Variants in AMMECR1 observed in about 807,000 individuals in gnomAD.
The protein encoded by AMMECR1 is nuclear protein AMMECR1.
In AMMECR1, 3 loss-of-function variants were observed where a neutral mutation model predicts 22.5. The ratio of observed to expected loss-of-function variants is 0.13; its 90% confidence interval spans 0.06 to 0.35. The LOEUF (loss-of-function observed/expected upper bound fraction) is 0.35. Among genes scored for constraint, AMMECR1 ranks in the 10% least tolerant of loss-of-function variants. The pLI is 1.00. For missense variants in AMMECR1, 235 were observed against 278.7 expected (o/e 0.84, Z 1.12); for synonymous variants, 130 against 116.7 (o/e 1.11, Z -0.74).
intron 2 of AMMECR1, chrX:110,358,828 T>G (rs2068244100): frequency 9.0e-6 from 1 of 111,663 alleles, no homozygotes; most frequent in Non-Finnish European, 1.9e-5. Context: ...AAAGGAGACG[T>G]GCCCACTGGA....
chrX:110,264,944 C>T (rs1479266110), intron 1 of AMMECR1, among the ~76,000 whole-genome samples: 2 of 111,592 alleles, frequency 1.8e-5, no homozygotes, highest in African/African-American at 6.5e-5. Flanking sequence ...GCACTCAAAC[C>T]TGGGCAATCT....
chrX:110,384,052 T>A (rs1029205211), intron 2 of AMMECR1, among the ~76,000 whole-genome samples: 4 of 112,261 alleles, frequency 3.6e-5, no homozygotes, highest in African/African-American at 9.7e-5. Context: ...CATCATCATT[T>A]CTTCTATTGT....
intron 2 of AMMECR1, among the ~76,000 whole-genome samples, chrX:110,360,959 C>G (rs934398461): frequency 4.5e-5 from 5 of 111,567 alleles, no homozygotes; most frequent in Non-Finnish European, 9.4e-5. Flanking sequence ...TAGTGATGCT[C>G]CGATCTTCGT....
chrX:110,206,715 A>G (rs1466726836), intron 3 of AMMECR1, among the ~76,000 whole-genome samples: 1 of 111,687 alleles, frequency 9.0e-6, no homozygotes, highest in African/African-American at 3.3e-5. Context: ...CTTCCCAATT[A>G]CATCCTGGCC....
rs1489846294 is a variant in AMMECR1 at position 110,392,235 on chromosome X, G to C, written c.-148+34423C>G. Among the ~76,000 whole-genome samples, 13 of 105,918 alleles carry C rather than the reference G, an allele frequency of 1.2e-4. No individual in the cohort carries two copies. The Admixed American group carries it at 1.3e-3, about 11-fold the overall frequency. 92.0% of individuals were successfully genotyped at this position (105,918 alleles called of 115,157 possible). ...AGAAAATGGGTCCAGAACCCAAAATGTAGTGAAAGATTTAAATGCTCAAAT... is the reference window on the plus strand; with the variant it reads ...AGAAAATGGGTCCAGAACCCAAAATCTAGTGAAAGATTTAAATGCTCAAAT... On this transcript the variant is annotated intron_variant, in intron 2 of 7. Transcript: ENST00000372057.
chrX:110,310,197 A>T (rs769375005), intron 1 of AMMECR1, among the ~76,000 whole-genome samples: 2 of 111,769 alleles, frequency 1.8e-5, no homozygotes, highest in South Asian at 7.5e-4. Context: ...ATAACTGCCA[A>T]CACTTGGAAC....
intron 1 of AMMECR1, among the ~76,000 whole-genome samples, chrX:110,293,137 T>C (rs1217193824): frequency 1.8e-5 from 2 of 112,430 alleles, no homozygotes; most frequent in Non-Finnish European, 3.8e-5. Context: ...TCTAGTAGTA[T>C]ATGCATAGAC....
intron 2 of AMMECR1, among the ~76,000 whole-genome samples, chrX:110,386,309 T>C (rs1258949780): frequency 9.1e-6 from 1 of 110,404 alleles, no homozygotes; most frequent in Non-Finnish European, 1.9e-5. Flanking sequence ...TTTTATTTTA[T>C]TTTTATTTTA....
chrX:110,255,448 C>T (rs2067705906), intron 2 of AMMECR1, among the ~76,000 whole-genome samples: 1 of 111,824 alleles, frequency 8.9e-6, no homozygotes, highest in African/African-American at 3.3e-5. Flanking sequence ...CCAGGCTTAG[C>T]TAGGAGGCAA....
intron 2 of AMMECR1, among the ~76,000 whole-genome samples, chrX:110,262,135 A>G (rs2067744702): frequency 8.9e-6 from 1 of 112,213 alleles, no homozygotes; most frequent in African/African-American, 3.2e-5. Flanking sequence ...CAACTTTTAA[A>G]AATGACTCCT....
intron 2 of AMMECR1, among the ~76,000 whole-genome samples, chrX:110,416,020 A>C (rs1001087371): frequency 9.0e-6 from 1 of 110,940 alleles, no homozygotes; most frequent in African/African-American, 3.3e-5. Context: ...AAAAAAAAAA[A>C]AATGGGAAGC....
Position 110,201,685 on chromosome X carries a change from G to A in AMMECR1, c.791-635C>T, listed in dbSNP as rs766949978. On this transcript the variant is annotated intron_variant, in intron 4 of 5. Coordinates refer to ENST00000262844, the MANE Select transcript of AMMECR1 (RefSeq NM_015365.3). The stretch of plus-strand genomic sequence containing the variant: ...AACTGCCTTGAAGACTTTCTGATCT[G>A]GGGATTTAATGGCATTAATTTTGCT... Among the ~76,000 whole-genome samples, 3 of 111,474 alleles carry A rather than the reference G, an allele frequency of 2.7e-5. 1 individual carries two copies. Among genetic ancestry groups the A allele is most frequent in the African/African-American group, 9.8e-5 (3 of 30,650 alleles).
intron 2 of AMMECR1, among the ~76,000 whole-genome samples, chrX:110,242,814 A>G (rs1484012695): frequency 3.6e-5 from 4 of 112,481 alleles, no homozygotes. Context: ...AAAACTAAGC[A>G]TTGACTACTA....
Position 110,297,231 on chromosome X carries a change from C to T in AMMECR1, c.473+20368G>A, listed in dbSNP as rs753656760. ...ATGCTCTGAGAGTTTACAATTCTGC[C>T]TTAGCCTTCACTTCCTGCTTGCACA... On this transcript the variant is annotated intron_variant, in intron 1 of 5. Coordinates refer to ENST00000262844, the MANE Select transcript of AMMECR1 (RefSeq NM_015365.3). 2.0e-4 allele frequency among the ~76,000 whole-genome samples: 22 copies of T among 112,197 alleles called. 1 individual carries two copies. The South Asian group carries it at 8.1e-3, about 41-fold the overall frequency.
At chrX:110,252,071 C>T (rs921861199) in intron 2 of AMMECR1, among the ~76,000 whole-genome samples, 9 of 111,185 alleles carry the variant, frequency 8.1e-5, no homozygotes, top group Admixed American at 6.7e-4. Flanking sequence ...ACTTCATATA[C>T]ATATATATCC....
At chrX:110,384,094 A>G (rs1602953557) in intron 2 of AMMECR1, among the ~76,000 whole-genome samples, 1 of 112,030 alleles carries the variant, frequency 8.9e-6, no homozygotes, top group Non-Finnish European at 1.9e-5. Flanking sequence ...ACCTACTTGT[A>G]TATGTAATAT....
At chrX:110,223,420 G>A (rs1410194241) in intron 2 of AMMECR1, among the ~76,000 whole-genome samples, 3 of 111,771 alleles carry the variant, frequency 2.7e-5, no homozygotes, top group African/African-American at 6.5e-5. Flanking sequence ...ATTTGTTACT[G>A]TACACCATAA....
At chrX:110,251,743 T>C (rs2067687179) in intron 2 of AMMECR1, among the ~76,000 whole-genome samples, 1 of 111,789 alleles carries the variant, frequency 8.9e-6, no homozygotes, top group Non-Finnish European at 1.9e-5. Context: ...TATAGACTGA[T>C]AGCGTTTTGC....
intron 3 of AMMECR1, among the ~76,000 whole-genome samples, chrX:110,212,291 G>A (rs778489110): frequency 2.0e-4 from 22 of 111,785 alleles, no homozygotes; most frequent in African/African-American, 7.1e-4. Context: ...TCGTGGTCAC[G>A]TTCCTCATCC....
Sources: allele counts gnomAD v4.1 joint callset (sites outside exome capture counted in the v4.1 genomes callset), GRCh38; gene constraint gnomAD v4.1.1; transcripts MANE v1.5; gene names NCBI Gene and HGNC (gene_info 2026-07-23, HGNC 2026-07-21).